Variants in NFATC3 observed in about 807,000 individuals in gnomAD.
The protein encoded by NFATC3 is nuclear factor of activated T-cells, cytoplasmic 3.
Under a neutral mutation model 98.6 loss-of-function variants are expected in NFATC3, and 46 were observed. The observed-to-expected ratio is 0.47, with a 90% confidence interval of 0.37 to 0.60. NFATC3 has a LOEUF of 0.60. NFATC3 is among the 20% of genes least tolerant of loss of function. NFATC3 has a pLI of 0.00. For missense variants in NFATC3, 1,256 were observed against 1,295.5 expected, an observed-to-expected ratio of 0.97 and a Z score of 0.47; for synonymous variants, 512 against 472.2, an observed-to-expected ratio of 1.08 and a Z score of -1.09.
chr16:68,208,368 G>A (rs756340123), intron 9 of NFATC3, among the ~76,000 whole-genome samples: 15 of 151,984 alleles, frequency 9.9e-5, no homozygotes, highest in Non-Finnish European at 2.1e-4. Flanking sequence ...ATGCCTCTTT[G>A]GTTAATTCCT....
intron 9 of NFATC3, chr16:68,225,180 G>A (rs1273798300): frequency 2.0e-5 from 3 of 151,952 alleles, no homozygotes; most frequent in East Asian, 1.9e-4. Flanking sequence ...TCAAACTCCC[G>A]ACCTCAGGTG....
rs187663867 is a variant in NFATC3 at position 68,112,706 on chromosome 16, C to T, written c.104-9281C>T. Among the ~76,000 whole-genome samples the T allele has an allele frequency of 4.9e-3, 654 of 132,214 alleles. 2 individuals are homozygous for T. The highest frequency in any genetic ancestry group is 0.018 in the African/African-American group (604 of 34,094). 86.7% of individuals were successfully genotyped at this position (132,214 alleles called of 152,430 possible). ...TCGCTCTGTCGCCCAGGCCGGACTG[C>T]GGACTGCAGTGGCGCAATCTCGGCT... On this transcript the variant is annotated intron_variant, in intron 1 of 9. Transcript: ENST00000346183.
chr16:68,189,786 A>G (rs967932491), intron 8 of NFATC3, among the ~76,000 whole-genome samples: 3 of 152,198 alleles, frequency 2.0e-5, no homozygotes, highest in Non-Finnish European at 2.9e-5. Context: ...ATTGTTGGCT[A>G]TGCACAGTGG....
intron 1 of NFATC3, among the ~76,000 whole-genome samples, chr16:68,092,325 C>T (rs556363911): frequency 3.3e-5 from 5 of 151,190 alleles, no homozygotes; most frequent in East Asian, 3.9e-4. Flanking sequence ...GATGTGGTGG[C>T]GGGCGCTGTA....
rs117774856 is a variant in NFATC3 at position 68,139,051 on chromosome 16, A to T, written c.1401+12441A>T. 2.5e-4 allele frequency among the ~76,000 whole-genome samples: 38 copies of T among 152,302 alleles called. No homozygotes were observed. The East Asian group carries it at 7.1e-3, about 29-fold the overall frequency. On this transcript the variant is annotated intron_variant, in intron 3 of 9. Coordinates refer to ENST00000346183, the MANE Select transcript of NFATC3 (RefSeq NM_173165.3). ...ATAGACAGTATTGTAGGTGCTAGGGATGCAGAGATGAACAAGAGAGACAAA... is the reference window on the plus strand; with the variant it reads ...ATAGACAGTATTGTAGGTGCTAGGGTTGCAGAGATGAACAAGAGAGACAAA...
At chr16:68,177,599 TTA>T (rs1191360074) in intron 6 of NFATC3, among the ~76,000 whole-genome samples, 1 of 152,102 alleles carries the variant, frequency 6.6e-6, no homozygotes, top group Non-Finnish European at 1.5e-5. Flanking sequence ...ACTTTTTTTA[TTA>T]TGTTTTTTCT....
At chr16:68,221,470 G>A (rs902788937) in intron 9 of NFATC3, 5 of 1,296,728 alleles carry the variant, frequency 3.9e-6, no homozygotes, top group Admixed American at 3.5e-5. Flanking sequence ...ACTTGAGCAT[G>A]ATTTTTGTTG....
chr16:68,133,127 G>A lies in NFATC3; in HGVS notation c.1401+6517G>A, dbSNP rs1467977399. Among the ~76,000 whole-genome samples, 5 of 152,238 alleles carry A rather than the reference G, an allele frequency of 3.3e-5. No homozygotes were observed. In the East Asian group the frequency reaches 5.8e-4, roughly 18 times the overall value. ...TTAAAAATACAAAAATTAACTGGGC[G>A]TGGTGGCACATGCCTGTAATCTCAG... is the stretch of plus-strand genomic sequence containing the variant. On this transcript the variant is annotated intron_variant, in intron 3 of 9. Transcript: ENST00000346183.
chr16:68,108,017 A>G (rs984801350), intron 1 of NFATC3, among the ~76,000 whole-genome samples: 4 of 150,522 alleles, frequency 2.7e-5, no homozygotes, highest in Non-Finnish European at 5.9e-5. Context: ...CCCATTCTGT[A>G]GGCTGCCTGT....
At chr16:68,163,371 C>A (rs1415259743) in intron 4 of NFATC3, among the ~76,000 whole-genome samples, 1 of 149,968 alleles carries the variant, frequency 6.7e-6, no homozygotes, top group Non-Finnish European at 1.5e-5. Context: ...TGGGGGCTGA[C>A]CCCACCACCT....
chr16:68,195,749 A>G (rs957559880), intron 9 of NFATC3, among the ~76,000 whole-genome samples: 2 of 152,172 alleles, frequency 1.3e-5, no homozygotes, highest in Non-Finnish European at 2.9e-5. Flanking sequence ...CGGAGCTTGC[A>G]GTGAGCCGAG....
At chr16:68,209,758 C>T (rs1047269030) in intron 9 of NFATC3, 6 of 470,368 alleles carry the variant, frequency 1.3e-5, no homozygotes, top group African/African-American at 4.0e-5. Flanking sequence ...TAAAGTGGTT[C>T]GTTGCAGTTG....
chr16:68,188,226 G>A (rs1406487535), intron 8 of NFATC3, among the ~76,000 whole-genome samples: 1 of 152,204 alleles, frequency 6.6e-6, no homozygotes, highest in African/African-American at 2.4e-5. Flanking sequence ...GCTGTTGCGG[G>A]AGGGGGGCTT....
intron 7 of NFATC3, among the ~76,000 whole-genome samples, chr16:68,182,705 G>A (rs1239941348): frequency 6.6e-6 from 1 of 151,912 alleles, no homozygotes; most frequent in Non-Finnish European, 1.5e-5. Flanking sequence ...TTTTAGTAGA[G>A]ATAGGGTTTT....
chr16:68,162,832 G>T (rs2038960319), intron 4 of NFATC3, among the ~76,000 whole-genome samples: 1 of 151,796 alleles, frequency 6.6e-6, no homozygotes, highest in Admixed American at 6.6e-5. Flanking sequence ...GTGGAGGGAA[G>T]GTCAGCAGAT....
At position 68,122,674 on chromosome 16, in the gene NFATC3, C is replaced by T; in HGVS notation, c.791C>T (p.Ser264Leu). 6.2e-7 allele frequency: 1 copy of T among 1,614,190 alleles called. No homozygotes were observed. Among genetic ancestry groups the T allele is most frequent in the African/African-American group, 1.3e-5 (1 of 75,066 alleles). Residue 264 changes from serine (S) to leucine (L), a missense_variant, in exon 2 of 10, where the codon TCA becomes TTA. Physicochemically the swap from Ser to Leu is moderately radical, Grantham distance 145. Coordinates refer to ENST00000346183, the MANE Select transcript of NFATC3 (RefSeq NM_173165.3). ...WLSPRPASGP[S>L]SRPTSPCGKR... ...AGCCCCAGGCCAGCCTCAGGACCCTCATCAAGGCCCACATCCCCCTGTGGG... is the reference window on the plus strand; with the variant it reads ...AGCCCCAGGCCAGCCTCAGGACCCTTATCAAGGCCCACATCCCCCTGTGGG...
chr16:68,097,352 TGA>T (rs1383365318), intron 1 of NFATC3, among the ~76,000 whole-genome samples: 2 of 152,186 alleles, frequency 1.3e-5, no homozygotes, highest in African/African-American at 2.4e-5. Flanking sequence ...TAAAGTGCAA[TGA>T]GAGTATATAG....
At chr16:68,174,108 C>A (rs2050302931) in intron 5 of NFATC3, among the ~76,000 whole-genome samples, 1 of 152,196 alleles carries the variant, frequency 6.6e-6, no homozygotes, top group South Asian at 2.1e-4. Flanking sequence ...GATCACATCA[C>A]TGTGCTCCAA....
rs1206582668 is a variant in NFATC3 at position 68,228,671 on chromosome 16, TAA to T, written c.*2202_*2203del. On this transcript the variant is annotated 3_prime_UTR_variant, in exon 10 of 10. Transcript: ENST00000346183. ...AGTCAATATTTTTTGGCTTTGTAGA[TAA>T]AGACTTAAATTTTTGTGCAACATAG... The T allele has an allele frequency of 6.5e-6, 1 of 152,680 alleles. No individual in the cohort carries two copies. Among genetic ancestry groups the T allele is most frequent in the Non-Finnish European group, 1.5e-5 (1 of 68,048 alleles). 9.5% of individuals were successfully genotyped at this position (152,680 alleles called of 1,614,324 possible).
Sources: gnomAD v4.1 joint callset for allele counts (sites outside exome capture counted in the v4.1 genomes callset) on GRCh38, gnomAD v4.1.1 for gene constraint, MANE v1.5 for transcripts, NCBI Gene and HGNC (gene_info 2026-07-23, HGNC 2026-07-21) for gene names.